RGP1: variants seen among roughly 807,000 people sequenced by gnomAD.
The protein encoded by RGP1 is RAB6A-GEF complex partner protein 2.
RGP1 carries 28 observed loss-of-function variants against 44.5 expected under a neutral mutation model. The ratio of observed to expected loss-of-function variants is 0.63; its 90% CI spans 0.47 to 0.86. The LOEUF (loss-of-function observed/expected upper bound fraction) is 0.86, where lower values mean the gene tolerates loss of function less well. Ranked by LOEUF, RGP1 falls within the 40% of genes least tolerant of loss-of-function variation. RGP1 has a pLI of 0.00. For missense variants in RGP1, 417 were observed against 490.7 expected (o/e 0.85, Z 1.42); for synonymous variants, 212 against 196.7 (o/e 1.08, Z -0.65).
At chr9:35,787,247 T>C in the RGP1 span, among the ~76,000 whole-genome samples, 1 of 151,980 alleles carries the variant, frequency 6.6e-6, no homozygotes, top group Non-Finnish European at 1.5e-5. Flanking sequence ...CCTTTTTTTT[T>C]GAGATGGAGA....
At chr9:35,774,419 T>TG in the RGP1 span, among the ~76,000 whole-genome samples, 1 of 152,210 alleles carries the variant, frequency 6.6e-6, no homozygotes, top group Non-Finnish European at 1.5e-5. Flanking sequence ...AGGATGTTGC[T>TG]GTGTTTTTAA....
the RGP1 span, chr9:35,772,294 A>AGAG: frequency 6.6e-6 from 1 of 152,264 alleles, no homozygotes; most frequent in African/African-American, 2.4e-5. Context: ...CAGAGGAAGA[A>AGAG]GAGGATCTTC....
At position 35,754,256 on chromosome 9, in the gene RGP1, T is replaced by G. The variant is rs1827325481; in HGVS notation, c.*1382T>G. 8.4e-7 allele frequency: 1 copy of G among 1,195,450 alleles called. No individual in the cohort carries two copies. The highest frequency in any genetic ancestry group is 1.5e-5 in the African/African-American group (1 of 65,316). The allele number at this position is 1,195,450 out of a possible 1,614,324, so 74.1% of individuals were successfully genotyped here. A position where few individuals can be genotyped will look rare whatever the true frequency, so the allele number is the denominator to read the frequency against. On this transcript the variant is annotated 3_prime_UTR_variant, in exon 9 of 9. Coordinates refer to ENST00000378078, the MANE Select transcript of RGP1 (RefSeq NM_001080496.3). Reference sequence around the variant, plus strand: ...TGTCTTTCTCCCCTGGGCTCCTGTCTCACACTATCTCCCTGCCCTCTGCTC... The same window carrying G: ...TGTCTTTCTCCCCTGGGCTCCTGTCGCACACTATCTCCCTGCCCTCTGCTC...
At position 35,750,145 on chromosome 9, in the gene RGP1, A is replaced by G. The variant is rs1827213546; in HGVS notation, c.117-98A>G. ...GGATTTCCTGATCACTAGGACAGCC[A>G]TCTAACCTTGTTGGTTAAGATGGTG... On this transcript the variant is annotated intron_variant, in intron 2 of 8. Transcript: ENST00000378078. 1.1e-5 allele frequency: 17 copies of G among 1,493,038 alleles called. No individual in the cohort carries two copies. The South Asian group carries it at 2.3e-4, about 20-fold the overall frequency. The allele number at this position is 1,493,038 out of a possible 1,614,324, so 92.5% of individuals were successfully genotyped here.
chr9:35,763,890 A>AC, the RGP1 span, among the ~76,000 whole-genome samples: 2 of 151,046 alleles, frequency 1.3e-5, no homozygotes, highest in South Asian at 4.2e-4. Context: ...TCAAAAAAAA[A>AC]AAAAAAAAAA....
At chr9:35,773,979 T>C in the RGP1 span, among the ~76,000 whole-genome samples, 1 of 152,160 alleles carries the variant, frequency 6.6e-6, no homozygotes, top group Non-Finnish European at 1.5e-5. Flanking sequence ...CGTATTATTA[T>C]TTCTGAAGAT....
At position 35,754,117 on chromosome 9, in the gene RGP1, T is replaced by C. The variant is rs778521053; in HGVS notation, c.*1243T>C. On this transcript the variant is annotated 3_prime_UTR_variant, in exon 9 of 9. Transcript: ENST00000378078. ...CCCTTGGCCTGTCCAGCCCAGAGCA[T>C]CCTTAGGGCCATTGCTGCTGCACAG... 6.2e-7 allele frequency: 1 copy of C among 1,613,028 alleles called. No individual in the cohort carries two copies.
the RGP1 span, among the ~76,000 whole-genome samples, chr9:35,764,652 A>C: frequency 2.6e-5 from 4 of 152,118 alleles, no homozygotes; most frequent in African/African-American, 9.6e-5. Context: ...ACTGCCCCCA[A>C]ATTTCCTTAT....
the RGP1 span, among the ~76,000 whole-genome samples, chr9:35,787,031 C>T: frequency 6.6e-6 from 1 of 150,408 alleles, no homozygotes. Context: ...ACCCGGGAGG[C>T]GGAGCTTGCA....
the RGP1 span, among the ~76,000 whole-genome samples, chr9:35,788,672 T>C: frequency 6.6e-6 from 1 of 152,108 alleles, no homozygotes; most frequent in Admixed American, 6.5e-5. Context: ...GCCATGACAG[T>C]GCTACAAAGA....
Position 35,753,939 on chromosome 9 carries a change from C to A in RGP1, c.*1065C>A. 1 of 1,576,430 alleles carries A rather than the reference C, an allele frequency of 6.3e-7. No individual in the cohort carries two copies. Among genetic ancestry groups the A allele is most frequent in the Non-Finnish European group, 8.6e-7 (1 of 1,157,978 alleles). On this transcript the variant is annotated 3_prime_UTR_variant, in exon 9 of 9. Transcript: ENST00000378078. The surrounding 1 kb of genome is among the most constrained non-coding windows in gnomAD (Gnocchi z 4.2). ...TTTTGACACGGGATCATCTGTAAGG[C>A]CCCATCCTCCCTGTGCCCTCTCTGC...
At chr9:35,751,116 G>C in intron 5 of RGP1, 127 bp downstream of exon 5, 1 of 1,453,202 alleles carries the variant, frequency 6.9e-7, no homozygotes, top group East Asian at 2.3e-5. Flanking sequence ...AGGGAGTTGG[G>C]AAGGGAGGGA....
At chr9:35,777,417 C>T in the RGP1 span, among the ~76,000 whole-genome samples, 1 of 150,888 alleles carries the variant, frequency 6.6e-6, no homozygotes, top group Non-Finnish European at 1.5e-5. Context: ...GCGTGAGCCA[C>T]TGTGCCAGGC....
At chr9:35,784,715 G>A in the RGP1 span, among the ~76,000 whole-genome samples, 4 of 151,988 alleles carry the variant, frequency 2.6e-5, no homozygotes, top group East Asian at 1.9e-4. Flanking sequence ...TGATCCACCC[G>A]CCTCGGCCTC....
the RGP1 span, among the ~76,000 whole-genome samples, chr9:35,767,282 G>GTTTT: frequency 9.8e-6 from 1 of 101,778 alleles, no homozygotes; most frequent in Non-Finnish European, 2.1e-5. Flanking sequence ...TAAGCAAATT[G>GTTTT]GTTTTTTTTT....
chr9:35,753,493 T>G lies in RGP1; in HGVS notation c.*619T>G. 1.0e-5 allele frequency: 8 copies of G among 776,310 alleles called. No individual in the cohort carries two copies. The highest frequency in any genetic ancestry group is 2.8e-5 in the Admixed American group (1 of 35,214). 48.1% of individuals were successfully genotyped at this position (776,310 alleles called of 1,614,324 possible). A position where few individuals can be genotyped will look rare whatever the true frequency, so the allele number is the denominator to read the frequency against. On this transcript the variant is annotated 3_prime_UTR_variant, in exon 9 of 9. Transcript: ENST00000378078. This position sits in a 1 kb window ranked among gnomAD's most constrained non-coding sequence, Gnocchi z 4.2. ...AGGTCCACCCCAACCTCCCCTGATT[T>G]ATAGCCTGAAGCCTTATCTTTCACA...
the RGP1 span, among the ~76,000 whole-genome samples, chr9:35,764,891 C>T: frequency 3.3e-5 from 5 of 152,200 alleles, no homozygotes; most frequent in African/African-American, 1.2e-4. Context: ...TTTGGGATGC[C>T]GAGGTGGGCA....
At chr9:35,751,163 C>A in intron 5 of RGP1, 103 bp from the exon 6 acceptor site, 1 of 1,485,364 alleles carries the variant, frequency 6.7e-7, no homozygotes, top group Non-Finnish European at 9.2e-7. Flanking sequence ...TCAGCCCTGG[C>A]ACCCCTTACC....
chr9:35,751,616 A>C lies in RGP1; in HGVS notation c.635-11A>C, dbSNP rs1376635195. The C allele has an allele frequency of 6.2e-7, 1 of 1,613,728 alleles. No individual in the cohort carries two copies. Among genetic ancestry groups the C allele is most frequent in the Non-Finnish European group, 8.5e-7 (1 of 1,179,850 alleles). On this transcript the variant is annotated splice_polypyrimidine_tract_variant and intron_variant, in intron 6 of 8. Transcript: ENST00000378078. ...GTAGACTCCAGGCTTATAGTGTCCT[A>C]TTCTCCCCAGATCTATACAATATCA...
Sources: allele counts gnomAD v4.1 joint callset (sites outside exome capture counted in the v4.1 genomes callset), GRCh38; gene constraint gnomAD v4.1.1; non-coding constraint Gnocchi (gnomAD v3.1); transcripts MANE v1.5; gene names NCBI Gene and HGNC (gene_info 2026-07-23, HGNC 2026-07-21).